NALF1: variants seen among roughly 807,000 people sequenced by gnomAD.
NALF1 encodes the protein family with sequence similarity 155 member A.
In NALF1, 3 loss-of-function variants were observed where a neutral mutation model predicts 48.4. The ratio of observed to expected loss-of-function variants is 0.06; its 90% confidence interval spans 0.03 to 0.16. The LOEUF (loss-of-function observed/expected upper bound fraction) is 0.16, where lower values mean the gene tolerates loss of function less well. NALF1 is among the 10% of genes least tolerant of loss of function. NALF1 has a pLI of 1.00. For synonymous variants in NALF1, 262 were observed against 245.7 expected (o/e 1.07, Z -0.62); for missense variants, 526 against 571.5 (o/e 0.92, Z 0.81).
chr13:107,765,427 T>C (rs1305921900), intron 1 of NALF1, among the ~76,000 whole-genome samples: 1 of 152,156 alleles, frequency 6.6e-6, no homozygotes, highest in African/African-American at 2.4e-5. Context: ...CATGGGACAA[T>C]ATTATAGAGT....
chr13:107,713,114 G>C (rs796660852), intron 1 of NALF1, among the ~76,000 whole-genome samples: 4 of 152,290 alleles, frequency 2.6e-5, no homozygotes, highest in African/African-American at 9.6e-5. Context: ...CCACACATCA[G>C]GGGCTACGGC....
chr13:107,686,804 T>C (rs954988814), intron 1 of NALF1, among the ~76,000 whole-genome samples: 1 of 152,164 alleles, frequency 6.6e-6, no homozygotes, highest in Admixed American at 6.5e-5. Flanking sequence ...TAATAACAGA[T>C]GTTGGTGAGG....
chr13:107,822,949 G>T (rs2138618985), intron 1 of NALF1, among the ~76,000 whole-genome samples: 1 of 152,262 alleles, frequency 6.6e-6, no homozygotes, highest in Non-Finnish European at 1.5e-5. Context: ...CCTTCAGTTG[G>T]GTTTCAATAA....
intron 1 of NALF1, among the ~76,000 whole-genome samples, chr13:107,714,626 T>TAAA (rs10633995): frequency 1.5e-4 from 19 of 126,490 alleles, no homozygotes; most frequent in African/African-American, 4.6e-4. Context: ...GAGGCTTTAT[T>TAAA]AAAAAAAAAA....
intron 1 of NALF1, among the ~76,000 whole-genome samples, chr13:107,784,924 C>T (rs1241626187): frequency 1.3e-5 from 2 of 151,912 alleles, no homozygotes; most frequent in African/African-American, 4.8e-5. Context: ...GAAAAGATAC[C>T]ATTATATGAA....
intron 1 of NALF1, among the ~76,000 whole-genome samples, chr13:107,613,511 AT>A (rs1467541327): frequency 6.6e-6 from 1 of 152,218 alleles, no homozygotes; most frequent in Non-Finnish European, 1.5e-5. Context: ...AAATGGAGTG[AT>A]TGAAATTAAA....
chr13:107,400,531 T>C (rs769547113), intron 1 of NALF1, among the ~76,000 whole-genome samples: 2 of 151,738 alleles, frequency 1.3e-5, no homozygotes, highest in African/African-American at 2.4e-5. Context: ...CTGGCCAACA[T>C]GGTGAACCCC....
intron 1 of NALF1, among the ~76,000 whole-genome samples, chr13:107,707,079 C>A (rs1262325456): frequency 6.6e-6 from 1 of 151,298 alleles, no homozygotes; most frequent in East Asian, 1.9e-4. Context: ...CCCGCCACTA[C>A]GCCCGGCTAA....
intron 1 of NALF1, among the ~76,000 whole-genome samples, chr13:107,436,234 A>G (rs1757719348): frequency 6.6e-6 from 1 of 152,228 alleles, no homozygotes; most frequent in Non-Finnish European, 1.5e-5. Context: ...TAGGTCAGAA[A>G]AATTTCCAAA....
intron 1 of NALF1, among the ~76,000 whole-genome samples, chr13:107,632,411 C>T (rs1469227371): frequency 1.3e-5 from 2 of 152,056 alleles, no homozygotes; most frequent in Non-Finnish European, 2.9e-5. Context: ...GCAGAGAAGC[C>T]TTTATAATTT....
chr13:107,175,040 C>A (rs1342869907), intron 2 of NALF1, among the ~76,000 whole-genome samples: 2 of 91,268 alleles, frequency 2.2e-5, no homozygotes, highest in Non-Finnish European at 4.5e-5. Flanking sequence ...CCCGCCACGA[C>A]GCCCGGCTAA....
At chr13:107,521,648 G>A (rs1021926175) in intron 1 of NALF1, among the ~76,000 whole-genome samples, 9 of 152,004 alleles carry the variant, frequency 5.9e-5, no homozygotes, top group African/African-American at 2.2e-4. Context: ...TTTAATGGGG[G>A]TATATACAGG....
chr13:107,173,078 A>T lies in NALF1; in HGVS notation c.1088-2292T>A, dbSNP rs1878839262. 2.6e-5 allele frequency among the ~76,000 whole-genome samples: 4 copies of T among 152,212 alleles called. No individual in the cohort carries two copies. The South Asian group carries it at 8.3e-4, about 31-fold the overall frequency. On this transcript the variant is annotated intron_variant, in intron 2 of 2. Transcript: ENST00000375915. ...AGTATTTTACAAAATAACAAAAAAA[A>T]TCCTCCACCTCCCACATCTCAAATT...
chr13:107,180,996 AGATT>A (rs1879048723), intron 2 of NALF1, among the ~76,000 whole-genome samples: 1 of 151,696 alleles, frequency 6.6e-6, no homozygotes. Context: ...TTATAGGATT[AGATT>A]ATTATAGAGT....
chr13:107,773,159 T>C (rs1364858512), intron 1 of NALF1, among the ~76,000 whole-genome samples: 1 of 152,166 alleles, frequency 6.6e-6, no homozygotes, highest in African/African-American at 2.4e-5. Context: ...CATGTGTTGT[T>C]AGAAGCTAGT....
At chr13:107,534,594 T>C (rs538748973) in intron 1 of NALF1, among the ~76,000 whole-genome samples, 4 of 152,274 alleles carry the variant, frequency 2.6e-5, no homozygotes, top group Admixed American at 2.6e-4. Context: ...GCCTGGAATG[T>C]TAATTTTATA....
chr13:107,631,312 T>C (rs918992252), intron 1 of NALF1, among the ~76,000 whole-genome samples: 4 of 152,160 alleles, frequency 2.6e-5, no homozygotes, highest in Non-Finnish European at 5.9e-5. Context: ...CTGGAGACCT[T>C]ATGCACATGC....
chr13:107,447,761 G>A (rs571951397), intron 1 of NALF1, among the ~76,000 whole-genome samples: 2 of 152,086 alleles, frequency 1.3e-5, no homozygotes, highest in Non-Finnish European at 2.9e-5. Context: ...TCTCCTGCAC[G>A]ACGCCAGACA....
chr13:107,593,113 A>C (rs1236016314), intron 1 of NALF1, among the ~76,000 whole-genome samples: 1 of 151,916 alleles, frequency 6.6e-6, no homozygotes, highest in African/African-American at 2.4e-5. Context: ...TTGACGAAGT[A>C]CATATTGTGT....
Sources: gnomAD v4.1 joint callset for allele counts (sites outside exome capture counted in the v4.1 genomes callset) on GRCh38, gnomAD v4.1.1 for gene constraint, MANE v1.5 for transcripts, NCBI Gene and HGNC (gene_info 2026-07-23, HGNC 2026-07-21) for gene names.